PCSK5: variants seen among roughly 807,000 people sequenced by gnomAD.
PCSK5 encodes proprotein convertase subtilisin/kexin type 5.
Under a neutral mutation model 233.2 loss-of-function variants are expected in PCSK5, and 129 were observed. That is an observed-to-expected ratio of 0.55 (90% CI 0.48 to 0.64). The LOEUF is 0.64. Among genes scored for constraint, PCSK5 ranks in the 30% least tolerant of loss-of-function variants. The probability of loss-of-function intolerance (pLI) is 0.00; values close to 1 mark genes in which losing one functional copy is unlikely to be tolerated. For synonymous variants in PCSK5, 825 were observed against 879.2 expected, an observed-to-expected ratio of 0.94 and a Z score of 1.09; for missense variants, 2,076 against 2,430.1, an observed-to-expected ratio of 0.85 and a Z score of 3.06.
intron 5 of PCSK5, among the ~76,000 whole-genome samples, chr9:76,029,933 G>C (rs1279590401): frequency 6.6e-6 from 1 of 152,088 alleles, no homozygotes; most frequent in Non-Finnish European, 1.5e-5. Flanking sequence ...CTGTTCAAAA[G>C]AAAACATTCT....
Position 76,181,279 on chromosome 9 carries a change from A to G in PCSK5, c.2004-119A>G, listed in dbSNP as rs1587726388. ...CTGGCTCTCTGGATGTGGTGTTGGC[A>G]TCCTGGTTTAAAAGTGATTTGGAAG... On this transcript the variant is annotated intron_variant, in intron 15 of 37. Coordinates refer to ENST00000674117, the MANE Select transcript of PCSK5 (RefSeq NM_001372043.1). 1.4e-5 allele frequency: 11 copies of G among 766,054 alleles called. No homozygotes were observed. In the East Asian group the frequency reaches 2.4e-4, roughly 17 times the overall value. 47.5% of individuals were successfully genotyped at this position (766,054 alleles called of 1,614,324 possible).
intron 28 of PCSK5, among the ~76,000 whole-genome samples, chr9:76,304,531 G>A (rs151296348): frequency 9.2e-5 from 14 of 152,264 alleles, no homozygotes; most frequent in East Asian, 3.9e-4. Flanking sequence ...AATTTACTGC[G>A]CCCCTATGTT....
chr9:76,125,038 T>G (rs544262542), intron 9 of PCSK5, among the ~76,000 whole-genome samples: 1 of 152,242 alleles, frequency 6.6e-6, no homozygotes, highest in East Asian at 1.9e-4. Flanking sequence ...CTTTTTCCTT[T>G]CCCTATACTC....
intron 36 of PCSK5, among the ~76,000 whole-genome samples, chr9:76,351,786 G>A (rs1467448276): frequency 2.0e-5 from 3 of 151,176 alleles, no homozygotes; most frequent in Non-Finnish European, 4.4e-5. Context: ...CACCCAGGCT[G>A]GAGTGCAGTG....
intron 20 of PCSK5, among the ~76,000 whole-genome samples, chr9:76,212,548 A>G (rs142529478): frequency 2.2e-4 from 33 of 152,316 alleles, no homozygotes; most frequent in African/African-American, 7.2e-4. Context: ...CTTAGTTTCA[A>G]TACATCTGCT....
At chr9:76,004,468 GA>G (rs1375181633) in intron 3 of PCSK5, among the ~76,000 whole-genome samples, 9 of 152,080 alleles carry the variant, frequency 5.9e-5, no homozygotes, top group Non-Finnish European at 1.3e-4. Flanking sequence ...TAATTAACAG[GA>G]TATCTGAGGG....
intron 10 of PCSK5, among the ~76,000 whole-genome samples, chr9:76,150,309 G>A (rs901786875): frequency 3.3e-5 from 5 of 152,106 alleles, no homozygotes; most frequent in South Asian, 2.1e-4. Context: ...ATGAGAGCCT[G>A]AGATTTTAGG....
At chr9:75,928,621 A>G (rs1823624107) in intron 1 of PCSK5, among the ~76,000 whole-genome samples, 3 of 113,648 alleles carry the variant, frequency 2.6e-5, no homozygotes, top group African/African-American at 3.9e-5. Context: ...ATATATATAT[A>G]TATATATATA....
intron 3 of PCSK5, among the ~76,000 whole-genome samples, chr9:75,995,267 T>C (rs1479168146): frequency 1.3e-5 from 2 of 152,212 alleles, no homozygotes; most frequent in Admixed American, 6.5e-5. Flanking sequence ...ATACATTCCA[T>C]GGAGGAAGAA....
Position 76,320,322 on chromosome 9 carries a change from C to G in PCSK5, c.3885-1100C>G, listed in dbSNP as rs181003560. ...GCACGCACCTCTAGTCCCAGCTACT[C>G]AGGAGGCTGAGGCAGGAGAATCGCT... is the stretch of plus-strand genomic sequence containing the variant. On this transcript the variant is annotated intron_variant, in intron 30 of 37. Coordinates refer to ENST00000674117, the MANE Select transcript of PCSK5 (RefSeq NM_001372043.1). Among the ~76,000 whole-genome samples, 1,104 of 150,628 alleles carry G rather than the reference C, an allele frequency of 7.3e-3. 14 individuals are homozygous for G. Among genetic ancestry groups the G allele is most frequent in the South Asian group, 0.023 (109 of 4,766 alleles).
intron 9 of PCSK5, among the ~76,000 whole-genome samples, chr9:76,111,779 T>C (rs576266859): frequency 6.6e-6 from 1 of 152,306 alleles, no homozygotes; most frequent in East Asian, 1.9e-4. Flanking sequence ...GAAAGATGGC[T>C]GTACTAATTT....
chr9:76,357,758 C>T (rs1045270928), intron 37 of PCSK5, among the ~76,000 whole-genome samples: 1 of 152,188 alleles, frequency 6.6e-6, no homozygotes, highest in African/African-American at 2.4e-5. Context: ...TGACAATTCA[C>T]TTCCTCTCGA....
chr9:76,246,690 G>A (rs1271032456), intron 24 of PCSK5, among the ~76,000 whole-genome samples: 3 of 152,312 alleles, frequency 2.0e-5, no homozygotes, highest in Middle Eastern at 3.4e-3. Flanking sequence ...GCTTGTCCAT[G>A]GAAGACTGGT....
intron 3 of PCSK5, among the ~76,000 whole-genome samples, chr9:75,992,477 A>T (rs1330248707): frequency 6.6e-6 from 1 of 152,170 alleles, no homozygotes; most frequent in Admixed American, 6.5e-5. Context: ...TAAATATTTC[A>T]TTGCTTAAGG....
intron 37 of PCSK5, 31 bp downstream of exon 37, chr9:76,354,250 G>A (rs1830240231): frequency 6.6e-7 from 1 of 1,522,510 alleles, no homozygotes; most frequent in East Asian, 2.4e-5. Context: ...GCCTGCAGAG[G>A]AAGGGCATGT....
chr9:75,914,985 A>C (rs1011306258), intron 1 of PCSK5, among the ~76,000 whole-genome samples: 1 of 152,216 alleles, frequency 6.6e-6, no homozygotes, highest in Non-Finnish European at 1.5e-5. Flanking sequence ...TGTGAGGAAT[A>C]GTTTACAGTT....
intron 9 of PCSK5, among the ~76,000 whole-genome samples, chr9:76,111,331 G>T (rs1007393134): frequency 3.9e-5 from 6 of 151,900 alleles, no homozygotes; most frequent in Admixed American, 3.9e-4. Flanking sequence ...TTTTTTCCTG[G>T]GTTGGAGCCT....
Position 76,310,761 on chromosome 9 carries a change from G to A in PCSK5, c.3794G>A (p.Cys1265Tyr). The change falls in exon 30 of 38, where the codon TGC (cysteine) becomes TAC (tyrosine). Residue 1265 changes from cysteine to tyrosine, a missense_variant. By Grantham distance (194) the Cys-to-Tyr change is radical. Transcript: ENST00000674117. ...CENCTEACAICSGADLCKKCQ... is the reference protein window; with the variant it reads ...CENCTEACAIYSGADLCKKCQ... Reference sequence around the variant, plus strand: ...AACTGTACGGAGGCCTGTGCCATCTGCTCTGGAGCCGATCTTTGCAAAAAA... The same window carrying A: ...AACTGTACGGAGGCCTGTGCCATCTACTCTGGAGCCGATCTTTGCAAAAAA... 6.2e-7 allele frequency: 1 copy of A among 1,612,498 alleles called. No individual in the cohort carries two copies. The highest frequency in any genetic ancestry group is 8.5e-7 in the Non-Finnish European group (1 of 1,179,722).
intron 32 of PCSK5, among the ~76,000 whole-genome samples, chr9:76,323,717 T>A (rs1041257439): frequency 1.3e-5 from 2 of 152,188 alleles, no homozygotes; most frequent in Non-Finnish European, 2.9e-5. Flanking sequence ...GAATCACTCA[T>A]AAGCTTTGTA....
Sources: allele counts gnomAD v4.1 joint callset (sites outside exome capture counted in the v4.1 genomes callset), GRCh38; gene constraint gnomAD v4.1.1; transcripts MANE v1.5; gene names NCBI Gene and HGNC (gene_info 2026-07-23, HGNC 2026-07-21).